Variants in CADPS2 observed in about 807,000 individuals in gnomAD.
CADPS2 encodes the protein calcium-dependent secretion activator 2.
CADPS2 carries 93 observed loss-of-function variants against 172.5 expected under a neutral mutation model. The observed-to-expected ratio is 0.54, with a 90% CI of 0.46 to 0.64. CADPS2 has a LOEUF of 0.64. Among genes scored for constraint, CADPS2 ranks in the 30% least tolerant of loss-of-function variants. The probability of loss-of-function intolerance (pLI) is 0.00; values close to 1 mark genes in which losing one functional copy is unlikely to be tolerated. For synonymous variants in CADPS2, 546 were observed against 555.2 expected (o/e 0.98, Z 0.23); for missense variants, 1,420 against 1,565.9 (o/e 0.91, Z 1.57).
At chr7:122,461,704 C>T (rs756629445) in intron 14 of CADPS2, among the ~76,000 whole-genome samples, 5 of 152,166 alleles carry the variant, frequency 3.3e-5, no homozygotes, top group Non-Finnish European at 5.9e-5. Flanking sequence ...CAGTGATTCT[C>T]CTGCCTCAGC....
chr7:122,625,566 C>A (rs959338109), intron 4 of CADPS2, among the ~76,000 whole-genome samples: 3 of 152,172 alleles, frequency 2.0e-5, no homozygotes, highest in African/African-American at 7.2e-5. Context: ...AAAGAAGCAG[C>A]AATTTTGCCT....
At chr7:122,588,273 T>C (rs551736266) in intron 6 of CADPS2, among the ~76,000 whole-genome samples, 2 of 151,824 alleles carry the variant, frequency 1.3e-5, no homozygotes, top group African/African-American at 2.4e-5. Context: ...AATTTTATCA[T>C]GAAATCTTTG....
At position 122,454,044 on chromosome 7, in the gene CADPS2, C is replaced by A. The variant is rs907575318; in HGVS notation, c.2187-2569G>T. 1.1e-4 allele frequency among the ~76,000 whole-genome samples: 16 copies of A among 152,140 alleles called. No homozygotes were observed. In the South Asian group the frequency reaches 1.7e-3, roughly 16 times the overall value. ...AATATTAGGCATAAGAAGCAGCCTT[C>A]TATATCTAAATTATTGGTAATAAAT... is the stretch of plus-strand genomic sequence containing the variant. On this transcript the variant is annotated intron_variant, in intron 14 of 29. Transcript: ENST00000449022.
intron 3 of CADPS2, among the ~76,000 whole-genome samples, chr7:122,653,648 G>GTCAA (rs1255622446): frequency 6.6e-6 from 1 of 152,140 alleles, no homozygotes; most frequent in African/African-American, 2.4e-5. Flanking sequence ...AGTCAAGCAA[G>GTCAA]TCTATAGGTG....
At chr7:122,734,523 T>C (rs138732441) in intron 2 of CADPS2, among the ~76,000 whole-genome samples, 2 of 151,830 alleles carry the variant, frequency 1.3e-5, no homozygotes, top group Non-Finnish European at 2.9e-5. Flanking sequence ...GCACTGTTTA[T>C]TGCAAGGAGA....
chr7:122,526,332 T>C (rs1456990708), intron 8 of CADPS2, among the ~76,000 whole-genome samples: 54 of 151,952 alleles, frequency 3.6e-4, no homozygotes, highest in Non-Finnish European at 1.5e-5. Flanking sequence ...GCTGGGATTA[T>C]AGCCATGCAC....
chr7:122,665,589 A>G (rs546862966), intron 2 of CADPS2, among the ~76,000 whole-genome samples: 1 of 152,336 alleles, frequency 6.6e-6, no homozygotes, highest in African/African-American at 2.4e-5. Flanking sequence ...AAAATCATCT[A>G]ATGCAAAGCT....
intron 8 of CADPS2, among the ~76,000 whole-genome samples, chr7:122,554,133 C>T (rs1017434911): frequency 6.6e-6 from 1 of 152,046 alleles, no homozygotes; most frequent in Non-Finnish European, 1.5e-5. Context: ...TATATAGCCT[C>T]GTTGGGTTAC....
At chr7:122,478,490 G>C (rs2056953646) in intron 12 of CADPS2, among the ~76,000 whole-genome samples, 1 of 152,120 alleles carries the variant, frequency 6.6e-6, no homozygotes. Context: ...ACTGTCACCA[G>C]GTGTGATAAC....
At chr7:122,696,196 C>T (rs1159494196) in intron 2 of CADPS2, among the ~76,000 whole-genome samples, 1 of 152,152 alleles carries the variant, frequency 6.6e-6, no homozygotes, top group African/African-American at 2.4e-5. Context: ...CTTTTAGGGA[C>T]AGCTGTCATG....
At chr7:122,525,247 G>A (rs1468683231) in intron 8 of CADPS2, among the ~76,000 whole-genome samples, 1 of 152,060 alleles carries the variant, frequency 6.6e-6, no homozygotes, top group Admixed American at 6.6e-5. Context: ...TTGCTCTCTG[G>A]TCTTGGCTAA....
Position 122,699,022 on chromosome 7 carries a change from G to T in CADPS2, c.454-35453C>A, listed in dbSNP as rs1036840205. 4 of 761,166 alleles carry T rather than the reference G, an allele frequency of 5.3e-6. No individual in the cohort carries two copies. The East Asian group carries it at 1.1e-4, about 20-fold the overall frequency. The allele number at this position is 761,166 out of a possible 1,614,324, so 47.2% of individuals were successfully genotyped here. The stretch of plus-strand genomic sequence containing the variant: ...AAAAAAATCTTCAGGATACAAACAA[G>T]ATCCACTGTCTTCCAGCATGTTTTT... On this transcript the variant is annotated intron_variant, in intron 2 of 29. Transcript: ENST00000449022.
chr7:122,871,135 A>C (rs533235281), intron 1 of CADPS2, among the ~76,000 whole-genome samples: 11 of 152,032 alleles, frequency 7.2e-5, no homozygotes, highest in Non-Finnish European at 1.5e-4. Context: ...AAGTCAAACA[A>C]AGGAAGACAG....
At chr7:122,825,622 T>C (rs1437744359) in intron 1 of CADPS2, among the ~76,000 whole-genome samples, 1 of 152,234 alleles carries the variant, frequency 6.6e-6, no homozygotes, top group Non-Finnish European at 1.5e-5. Flanking sequence ...TCTTATTATA[T>C]ATTGTTTTGA....
At chr7:122,832,303 TA>T (rs573358039) in intron 1 of CADPS2, among the ~76,000 whole-genome samples, 1,472 of 131,342 alleles carry the variant, frequency 0.011, 17 homozygotes, top group East Asian at 0.041. Flanking sequence ...AAAAAGTGTG[TA>T]AAAAAAAAAA....
At chr7:122,756,772 C>T (rs1222435796) in intron 1 of CADPS2, among the ~76,000 whole-genome samples, 1 of 152,008 alleles carries the variant, frequency 6.6e-6, no homozygotes, top group African/African-American at 2.4e-5. Flanking sequence ...TGGTGGCATG[C>T]ACCTGTAATC....
At chr7:122,564,196 A>G (rs1196043310) in intron 7 of CADPS2, among the ~76,000 whole-genome samples, 1 of 152,186 alleles carries the variant, frequency 6.6e-6, no homozygotes, top group Non-Finnish European at 1.5e-5. Context: ...ATAATAATGT[A>G]CCAAAATAAC....
At chr7:122,446,555 T>C (rs992682849) in intron 15 of CADPS2, among the ~76,000 whole-genome samples, 2 of 152,188 alleles carry the variant, frequency 1.3e-5, no homozygotes, top group African/African-American at 2.4e-5. Context: ...GAACTACCCC[T>C]GGTCCTGTGT....
intron 27 of CADPS2, among the ~76,000 whole-genome samples, chr7:122,352,191 C>T (rs1229624917): frequency 6.6e-6 from 1 of 152,174 alleles, no homozygotes; most frequent in Non-Finnish European, 1.5e-5. Context: ...AATGTGTACA[C>T]TACCTATGAG....
Sources: gnomAD v4.1 joint callset for allele counts (sites outside exome capture counted in the v4.1 genomes callset) on GRCh38, gnomAD v4.1.1 for gene constraint, MANE v1.5 for transcripts, NCBI Gene and HGNC (gene_info 2026-07-23, HGNC 2026-07-21) for gene names.